CFDP1: variants seen among roughly 807,000 people sequenced by gnomAD.
CFDP1 encodes heterochromatin-stabilizing protein CFDP1.
CFDP1 carries 31 observed loss-of-function variants against 40.1 expected under a neutral mutation model. The observed-to-expected ratio is 0.77, with a 90% CI of 0.58 to 1.04. CFDP1 has a LOEUF of 1.04. Ranked by LOEUF, CFDP1 falls within the 50% of genes least tolerant of loss-of-function variation. CFDP1 has a pLI of 0.00. For missense variants in CFDP1, 423 were observed against 343.4 expected, an observed-to-expected ratio of 1.23 and a Z score of -1.83; for synonymous variants, 167 against 120.0, an observed-to-expected ratio of 1.39 and a Z score of -2.56.
intron 5 of CFDP1, among the ~76,000 whole-genome samples, chr16:75,348,710 ATAT>A (rs2078587409): frequency 1.3e-5 from 2 of 152,176 alleles, no homozygotes; most frequent in Admixed American, 1.3e-4. Context: ...CTGTGTTGCC[ATAT>A]TATCTTTCAA....
intron 5 of CFDP1, among the ~76,000 whole-genome samples, chr16:75,368,874 G>T: frequency 6.6e-6 from 1 of 151,538 alleles, no homozygotes; most frequent in East Asian, 1.9e-4. Flanking sequence ...ATAAAAAGTT[G>T]TTTGTTTGTT....
At chr16:75,415,256 CAA>C (rs1567679345) in intron 1 of CFDP1, among the ~76,000 whole-genome samples, 2 of 152,190 alleles carry the variant, frequency 1.3e-5, no homozygotes, top group East Asian at 1.9e-4. Flanking sequence ...GGGTCCCCAA[CAA>C]AAGAGTGTTG....
Position 75,395,199 on chromosome 16 carries a change from C to T in CFDP1, c.541G>A (p.Glu181Lys), listed in dbSNP as rs780396704. The part of the protein sequence containing the change: ...FAGEEVRVTK[E>K]VDATSKEAKS... ...GCCTCTTTAGATGTAGCATCCACTT[C>T]CTTAGTTACCCTGTGCCAAGGAAAA... Residue 181 changes from glutamate to lysine, a missense_variant, in exon 5 of 7, where the codon GAA (glutamate) becomes AAA (lysine). By Grantham distance (56) the Glu-to-Lys change is moderately conservative. Coordinates refer to ENST00000283882, the MANE Select transcript of CFDP1 (RefSeq NM_006324.3). 28 of 1,612,890 alleles carry T rather than the reference C, an allele frequency of 1.7e-5. 1 individual carries two copies. The South Asian group carries it at 2.7e-4, about 16-fold the overall frequency.
chr16:75,429,637 G>C (rs1029681394), intron 1 of CFDP1, among the ~76,000 whole-genome samples: 3 of 152,144 alleles, frequency 2.0e-5, no homozygotes, highest in South Asian at 2.1e-4. Flanking sequence ...TGGGCGACAA[G>C]AGCAAGACTC....
intron 5 of CFDP1, among the ~76,000 whole-genome samples, chr16:75,351,651 A>G (rs1344349315): frequency 6.6e-6 from 1 of 152,222 alleles, no homozygotes; most frequent in Non-Finnish European, 1.5e-5. Flanking sequence ...GTACCAATCA[A>G]TTTTGAAAAT....
chr16:75,321,371 C>T (rs1567644803), intron 5 of CFDP1, among the ~76,000 whole-genome samples: 1 of 152,166 alleles, frequency 6.6e-6, no homozygotes, highest in African/African-American at 2.4e-5. Context: ...TCCATTACCA[C>T]AATCTCATTT....
At chr16:75,417,871 C>G (rs2079226134) in intron 1 of CFDP1, among the ~76,000 whole-genome samples, 1 of 151,454 alleles carries the variant, frequency 6.6e-6, no homozygotes, top group African/African-American at 2.4e-5. Context: ...TATTTTGAAA[C>G]TATTTCCTTT....
At chr16:75,405,048 TGTGA>T (rs1300676259) in intron 4 of CFDP1, among the ~76,000 whole-genome samples, 2 of 152,180 alleles carry the variant, frequency 1.3e-5, no homozygotes, top group African/African-American at 4.8e-5. Flanking sequence ...GCACAGAAAT[TGTGA>T]GTATTTAGAA....
intron 5 of CFDP1, among the ~76,000 whole-genome samples, chr16:75,390,141 C>T (rs944770727): frequency 7.2e-5 from 11 of 152,170 alleles, no homozygotes; most frequent in African/African-American, 2.2e-4. Context: ...GCATTCTTTA[C>T]TGAAAAATAT....
chr16:75,412,731 G>A lies in CFDP1; in HGVS notation c.206C>T (p.Ser69Leu). 1 of 1,613,346 alleles carries A rather than the reference G, an allele frequency of 6.2e-7. No homozygotes were observed. Among genetic ancestry groups the A allele is most frequent in the Admixed American group, 1.7e-5 (1 of 59,992 alleles). The change falls in exon 3 of 7, where the codon TCA becomes TTA. Residue 69 changes from serine (S) to leucine (L), a missense_variant. Transcript: ENST00000283882. The stretch of plus-strand genomic sequence containing the variant: ...ATCCTCCTCTTCCTCTTCTTCTAAT[G>A]AGAGGCCACCTTGTCTTCTCTTCCT... Reference protein sequence around the residue: ...PARKRRQGGLSLEEEEEEDAN... With the variant: ...PARKRRQGGLLLEEEEEEDAN...
intron 5 of CFDP1, among the ~76,000 whole-genome samples, chr16:75,316,235 T>G (rs964729301): frequency 6.6e-6 from 1 of 152,204 alleles, no homozygotes; most frequent in African/African-American, 2.4e-5. Flanking sequence ...GCCAGAACTC[T>G]CACTTGTAAA....
intron 1 of CFDP1, among the ~76,000 whole-genome samples, chr16:75,424,541 G>A (rs1179363962): frequency 2.6e-5 from 4 of 152,056 alleles, no homozygotes; most frequent in Non-Finnish European, 5.9e-5. Flanking sequence ...GGATCACGAG[G>A]TCAGGAGATC....
intron 5 of CFDP1, among the ~76,000 whole-genome samples, chr16:75,371,201 T>G (rs1028914676): frequency 4.6e-5 from 7 of 152,214 alleles, no homozygotes; most frequent in African/African-American, 7.2e-5. Flanking sequence ...TCTCAAACTT[T>G]TTACCCTCTA....
chr16:75,349,397 T>A (rs2078592164), intron 5 of CFDP1, among the ~76,000 whole-genome samples: 1 of 151,010 alleles, frequency 6.6e-6, no homozygotes, highest in East Asian at 2.0e-4. Flanking sequence ...GTAATCCCAG[T>A]TACTCAGGAG....
intron 1 of CFDP1, among the ~76,000 whole-genome samples, chr16:75,419,973 G>C (rs1186365469): frequency 6.6e-6 from 1 of 151,752 alleles, no homozygotes; most frequent in Non-Finnish European, 1.5e-5. Flanking sequence ...ATTCTTTCTT[G>C]TTCGAGATCC....
In CFDP1 at chr16:75,433,443, G is replaced by A. The variant is rs1387593672; in HGVS notation, c.-91C>T. 9 of 1,305,072 alleles carry A rather than the reference G, an allele frequency of 6.9e-6. No individual in the cohort carries two copies. Among genetic ancestry groups the A allele is most frequent in the South Asian group, 5.0e-5 (4 of 79,336 alleles). The allele number at this position is 1,305,072 out of a possible 1,614,324, so 80.8% of individuals were successfully genotyped here. ...TAGGGAGAGACCATAGAGCCCCGGC[G>A]GCGGCGACGGCAGCTAGGGCGGCCC... On this transcript the variant is annotated 5_prime_UTR_variant, in exon 1 of 7. Coordinates refer to ENST00000283882, the MANE Select transcript of CFDP1 (RefSeq NM_006324.3).
chr16:75,360,507 T>C (rs1331994695), intron 5 of CFDP1, among the ~76,000 whole-genome samples: 1 of 152,220 alleles, frequency 6.6e-6, no homozygotes, highest in Non-Finnish European at 1.5e-5. Context: ...AAACAGGTTT[T>C]TGTACATGGA....
chr16:75,308,969 T>C (rs1019256018), intron 5 of CFDP1, among the ~76,000 whole-genome samples: 7 of 152,208 alleles, frequency 4.6e-5, no homozygotes, highest in Admixed American at 2.6e-4. Flanking sequence ...GGCTTCCAAC[T>C]CTCCTTTCAC....
chr16:75,371,148 T>C lies in CFDP1; in HGVS notation c.650+23942A>G, dbSNP rs113328563. Among the ~76,000 whole-genome samples the C allele has an allele frequency of 8.2e-3, 1,251 of 152,328 alleles. 20 individuals are homozygous for C. Among genetic ancestry groups the C allele is most frequent in the African/African-American group, 0.028 (1,145 of 41,578 alleles). On this transcript the variant is annotated intron_variant, in intron 5 of 6. Coordinates refer to ENST00000283882, the MANE Select transcript of CFDP1 (RefSeq NM_006324.3). ...ACTAACATTTTGAATAAGCCAATTC[T>C]TTGTTTCGAGCTGTCCTTTGTACCG...
Sources: allele counts gnomAD v4.1 joint callset (sites outside exome capture counted in the v4.1 genomes callset), GRCh38; gene constraint gnomAD v4.1.1; transcripts MANE v1.5; gene names NCBI Gene and HGNC (gene_info 2026-07-23, HGNC 2026-07-21).